Variants in JARID2 observed in about 807,000 individuals in gnomAD.
JARID2 encodes the protein jumonji and AT-rich interaction domain containing 2, also known as protein Jumonji.
A neutral mutation model predicts 125.6 loss-of-function variants in JARID2; 21 were observed. The observed-to-expected ratio is 0.17, with a 90% CI of 0.12 to 0.24. JARID2 has a LOEUF of 0.24. Among genes scored for constraint, JARID2 ranks in the 10% least tolerant of loss-of-function variants. The probability of loss-of-function intolerance (pLI) is 1.00; values close to 1 mark genes in which losing one functional copy is unlikely to be tolerated. For synonymous variants in JARID2, 736 were observed against 661.6 expected, an observed-to-expected ratio of 1.11 and a Z score of -1.73; for missense variants, 1,303 against 1,639.6, an observed-to-expected ratio of 0.79 and a Z score of 3.55.
chr6:15,473,951 T>G (rs1769218888), intron 5 of JARID2, among the ~76,000 whole-genome samples: 1 of 152,242 alleles, frequency 6.6e-6, no homozygotes, highest in Non-Finnish European at 1.5e-5. Flanking sequence ...GAAACCAAAG[T>G]CAGCTTTGAA....
At position 15,512,291 on chromosome 6, in the gene JARID2, G is replaced by A. The variant is rs371576753; in HGVS notation, c.3036G>A (p.Pro1012=). ...QQSGQFVVCF[P]GSFVSKVCCG... is the part of the protein sequence containing the mutation. Reference sequence around the variant, plus strand: ...GTGGCCAGTTTGTCGTCTGCTTCCCGGGATCCTTTGTGTCCAAAGTGTGCT... The same window carrying A: ...GTGGCCAGTTTGTCGTCTGCTTCCCAGGATCCTTTGTGTCCAAAGTGTGCT... The change falls in exon 14 of 18, where the codon CCG becomes CCA. Residue 1012 remains proline, a synonymous_variant. Transcript: ENST00000341776. 3.7e-6 allele frequency: 6 copies of A among 1,614,082 alleles called. No homozygotes were observed. Among genetic ancestry groups the A allele is most frequent in the Admixed American group, 1.7e-5 (1 of 60,014 alleles).
intron 1 of JARID2, among the ~76,000 whole-genome samples, chr6:15,255,334 A>G (rs1031678072): frequency 4.6e-5 from 7 of 151,902 alleles, no homozygotes; most frequent in Admixed American, 1.3e-4. Context: ...CTATCTCTTG[A>G]CCTTGTGATC....
intron 2 of JARID2, among the ~76,000 whole-genome samples, chr6:15,387,745 G>T (rs557999961): frequency 1.3e-5 from 2 of 152,296 alleles, no homozygotes; most frequent in African/African-American, 4.8e-5. Context: ...AACCCTTAGA[G>T]CTGTTTGACC....
chr6:15,267,930 G>A (rs1337501580), intron 1 of JARID2, among the ~76,000 whole-genome samples: 2 of 152,154 alleles, frequency 1.3e-5, no homozygotes, highest in Non-Finnish European at 2.9e-5. Context: ...CAGCCCCCGA[G>A]GATGCTGTGG....
chr6:15,400,962 AC>A (rs1381811456), intron 2 of JARID2: 7 of 1,289,260 alleles, frequency 5.4e-6, no homozygotes, highest in Non-Finnish European at 6.1e-6. Context: ...TGGCTGCTCC[AC>A]GGGTCTGTCA....
At chr6:15,329,757 G>T (rs900945779) in intron 1 of JARID2, among the ~76,000 whole-genome samples, 4 of 152,282 alleles carry the variant, frequency 2.6e-5, no homozygotes, top group Non-Finnish European at 4.4e-5. Flanking sequence ...TCCATGACAT[G>T]CCCTTATTCT....
chr6:15,263,073 T>TG (rs1491223460), intron 1 of JARID2, among the ~76,000 whole-genome samples: 2 of 113,980 alleles, frequency 1.8e-5, no homozygotes, highest in African/African-American at 4.3e-5. Context: ...AGGGTGTGTG[T>TG]TTGTGTGTGT....
intron 1 of JARID2, among the ~76,000 whole-genome samples, chr6:15,367,398 C>T (rs754517571): frequency 2.6e-5 from 4 of 152,088 alleles, no homozygotes; most frequent in African/African-American, 9.7e-5. Flanking sequence ...TAGAAAATTC[C>T]TTCCCCTACT....
chr6:15,281,573 G>A (rs754394066), intron 1 of JARID2, among the ~76,000 whole-genome samples: 5 of 152,166 alleles, frequency 3.3e-5, no homozygotes, highest in Admixed American at 6.5e-5. Context: ...TGGGTTCCCC[G>A]CGTGGGGGGC....
intron 7 of JARID2, among the ~76,000 whole-genome samples, chr6:15,500,485 G>C (rs941917994): frequency 1.3e-5 from 2 of 152,120 alleles, no homozygotes; most frequent in Non-Finnish European, 2.9e-5. Flanking sequence ...TGGGCCGTGG[G>C]TGCAGCCAGG....
intron 1 of JARID2, among the ~76,000 whole-genome samples, chr6:15,256,455 A>T (rs1759669488): frequency 6.6e-6 from 1 of 152,210 alleles, no homozygotes. Flanking sequence ...TTTAAAGAAG[A>T]CATAGTCCTT....
intron 1 of JARID2, among the ~76,000 whole-genome samples, chr6:15,358,846 G>C (rs1264746905): frequency 6.6e-6 from 1 of 152,228 alleles, no homozygotes; most frequent in African/African-American, 2.4e-5. Context: ...CCAGGAGGCT[G>C]ATTTGGGAGA....
chr6:15,511,686 G>T (rs1002579092), intron 13 of JARID2, among the ~76,000 whole-genome samples: 2 of 152,180 alleles, frequency 1.3e-5, no homozygotes, highest in African/African-American at 4.8e-5. Context: ...CTACCTTCTG[G>T]GCATGTGAGA....
intron 3 of JARID2, among the ~76,000 whole-genome samples, chr6:15,433,632 C>G (rs1767066681): frequency 6.6e-6 from 1 of 152,010 alleles, no homozygotes; most frequent in South Asian, 2.1e-4. Context: ...TAAGATGATT[C>G]CCAGCTTCCT....
intron 1 of JARID2, among the ~76,000 whole-genome samples, chr6:15,362,909 G>T (rs1243232832): frequency 6.6e-6 from 1 of 152,128 alleles, no homozygotes; most frequent in Non-Finnish European, 1.5e-5. Flanking sequence ...TGTCAACAAT[G>T]AGAAAAAAAG....
intron 1 of JARID2, among the ~76,000 whole-genome samples, chr6:15,299,994 C>T (rs571992961): frequency 6.6e-6 from 1 of 152,248 alleles, no homozygotes; most frequent in East Asian, 1.9e-4. Context: ...CTGCCTGTTT[C>T]CTCCCAACCT....
intron 12 of JARID2, 100 bp from the exon 13 acceptor site, chr6:15,511,196 C>CT: frequency 1.3e-6 from 1 of 743,772 alleles, no homozygotes; most frequent in Non-Finnish European, 2.3e-6. Flanking sequence ...AGCAGAGCCT[C>CT]TCGTGTGCTC....
intron 1 of JARID2, chr6:15,369,260 C>T (rs1276918112): frequency 7.3e-6 from 3 of 413,208 alleles, no homozygotes; most frequent in Admixed American, 4.9e-5. Flanking sequence ...CCACAGACCA[C>T]CTGTACCTTA....
chr6:15,319,280 C>T (rs771709858), intron 1 of JARID2, among the ~76,000 whole-genome samples: 5 of 151,978 alleles, frequency 3.3e-5, no homozygotes, highest in Non-Finnish European at 7.4e-5. Context: ...GCTGTGCTGC[C>T]TTGAACAATA....
Sources: allele counts gnomAD v4.1 joint callset (sites outside exome capture counted in the v4.1 genomes callset), GRCh38; gene constraint gnomAD v4.1.1; transcripts MANE v1.5; gene names NCBI Gene and HGNC (gene_info 2026-07-23, HGNC 2026-07-21).